The following GAS2 variants were observed in gnomAD, a reference collection of about 807,000 sequenced individuals.
GAS2 encodes the protein growth arrest specific 2.
A neutral mutation model predicts 37.5 loss-of-function variants in GAS2; 20 were observed. The observed-to-expected ratio is 0.53, with a 90% CI of 0.37 to 0.77. The LOEUF (loss-of-function observed/expected upper bound fraction) is 0.77. GAS2 is among the 30% of genes least tolerant of loss of function. The pLI is 0.00. For missense variants in GAS2, 336 were observed against 373.4 expected, an observed-to-expected ratio of 0.90 and a Z score of 0.82; for synonymous variants, 144 against 132.2, an observed-to-expected ratio of 1.09 and a Z score of -0.61.
chr11:22,641,258 T>TTATATATATATCTTTA (rs1848622702), intron 1 of GAS2, among the ~76,000 whole-genome samples: 2 of 143,976 alleles, frequency 1.4e-5, no homozygotes, highest in African/African-American at 2.5e-5. Flanking sequence ...ATATATATCT[T>TTATATATATATCTTTA]TATATATATA....
chr11:22,742,451 G>A (rs1853140972), intron 5 of GAS2, among the ~76,000 whole-genome samples: 1 of 152,114 alleles, frequency 6.6e-6, no homozygotes, highest in South Asian at 2.1e-4. Flanking sequence ...ACTTGCAGGT[G>A]CAAGCCCCCA....
chr11:22,765,645 G>A (rs1216495482), intron 7 of GAS2, among the ~76,000 whole-genome samples: 4 of 152,034 alleles, frequency 2.6e-5, no homozygotes, highest in African/African-American at 9.7e-5. Flanking sequence ...CTGGCGTGGT[G>A]GCAGGCACCT....
chr11:22,765,597 G>A (rs1854643452), intron 7 of GAS2, among the ~76,000 whole-genome samples: 1 of 152,026 alleles, frequency 6.6e-6, no homozygotes. Flanking sequence ...GGCTAACACT[G>A]TGAAACCCTG....
At chr11:22,722,311 A>G (rs999845091) in intron 3 of GAS2, among the ~76,000 whole-genome samples, 2 of 151,934 alleles carry the variant, frequency 1.3e-5, no homozygotes, top group Non-Finnish European at 2.9e-5. Context: ...TAGAAGCTAT[A>G]AGTATGTATG....
At chr11:22,748,862 TTGAG>T (rs2134287320) in intron 5 of GAS2, among the ~76,000 whole-genome samples, 1 of 152,198 alleles carries the variant, frequency 6.6e-6, no homozygotes, top group African/African-American at 2.4e-5. Context: ...ATATATTGCA[TTGAG>T]TGTTTTTATT....
At chr11:22,705,106 G>A (rs911416113) in intron 3 of GAS2, among the ~76,000 whole-genome samples, 9 of 152,084 alleles carry the variant, frequency 5.9e-5, no homozygotes, top group Non-Finnish European at 2.9e-5. Context: ...CTTTCTTGGA[G>A]AAAAAGCCAA....
chr11:22,753,784 A>G (rs1025876771), intron 6 of GAS2, among the ~76,000 whole-genome samples: 4 of 152,160 alleles, frequency 2.6e-5, no homozygotes, highest in African/African-American at 4.8e-5. Flanking sequence ...TTACATGTAT[A>G]TACACACATT....
chr11:22,672,469 C>T (rs1391120508), intron 1 of GAS2: 1 of 152,102 alleles, frequency 6.6e-6, no homozygotes, highest in Non-Finnish European at 1.5e-5. Context: ...TGTAAACTAT[C>T]CCTTGATAAA....
chr11:22,708,069 CAAT>C (rs139388732), intron 3 of GAS2, among the ~76,000 whole-genome samples: 4,652 of 152,020 alleles, frequency 0.031, 235 homozygotes, highest in African/African-American at 0.11. Context: ...TGGAAAACAA[CAAT>C]GAGCTAGATT....
At chr11:22,720,302 A>G (rs554127645) in intron 3 of GAS2, among the ~76,000 whole-genome samples, 3 of 152,136 alleles carry the variant, frequency 2.0e-5, no homozygotes, top group South Asian at 2.1e-4. Flanking sequence ...TTTGGATTCA[A>G]GCTTAGTGTG....
chr11:22,642,684 T>C (rs1231288704), intron 1 of GAS2, among the ~76,000 whole-genome samples: 1 of 152,154 alleles, frequency 6.6e-6, no homozygotes, highest in Non-Finnish European at 1.5e-5. Flanking sequence ...CAGTATCTTG[T>C]AATTATGTTA....
At chr11:22,707,768 G>C (rs962574340) in intron 3 of GAS2, among the ~76,000 whole-genome samples, 1 of 152,164 alleles carries the variant, frequency 6.6e-6, no homozygotes, top group African/African-American at 2.4e-5. Context: ...GATCATATAT[G>C]GAGAGAACGT....
At chr11:22,708,625 A>C (rs1851246614) in intron 3 of GAS2, among the ~76,000 whole-genome samples, 1 of 152,176 alleles carries the variant, frequency 6.6e-6, no homozygotes, top group African/African-American at 2.4e-5. Flanking sequence ...TATATATGGA[A>C]TATATGCCTC....
chr11:22,687,113 C>T (rs1235410144), intron 3 of GAS2, among the ~76,000 whole-genome samples: 9 of 151,958 alleles, frequency 5.9e-5, no homozygotes, highest in Admixed American at 5.9e-4. Context: ...ATTGCTTGAG[C>T]TCGGGAGTCG....
chr11:22,665,309 T>G (rs1393518213), upstream of GAS2, among the ~76,000 whole-genome samples: 1 of 152,204 alleles, frequency 6.6e-6, no homozygotes, highest in Non-Finnish European at 1.5e-5. Context: ...GATGATGTTT[T>G]GATCAGGAAA....
Position 22,811,967 on chromosome 11 carries a change from A to G in GAS2, c.893A>G (p.Asn298Ser). ...ACTCTAAAGGACATGAATCCAGATA[A>G]CTACTTGGTGGTCTCTGCCAGTTAT... is the stretch of plus-strand genomic sequence containing the variant. Reference protein sequence around the residue: ...SPTLKDMNPDNYLVVSASYKA... With the variant: ...SPTLKDMNPDSYLVVSASYKA... Residue 298 changes from asparagine to serine, a missense_variant, in exon 8 of 8, where the codon AAC becomes AGC. Transcript: ENST00000454584. The G allele has an allele frequency of 6.2e-7, 1 of 1,614,106 alleles. No individual in the cohort carries two copies. The highest frequency in any genetic ancestry group is 8.5e-7 in the Non-Finnish European group (1 of 1,180,006).
chr11:22,785,222 G>C (rs1022218540), intron 7 of GAS2, among the ~76,000 whole-genome samples: 1 of 152,130 alleles, frequency 6.6e-6, no homozygotes, highest in Non-Finnish European at 1.5e-5. Context: ...CTCAGAAAGT[G>C]CATCTTTATA....
chr11:22,656,635 A>G (rs529563007), intron 1 of GAS2, among the ~76,000 whole-genome samples: 61 of 152,360 alleles, frequency 4.0e-4, no homozygotes, highest in African/African-American at 1.4e-3. Flanking sequence ...ATTAACATAT[A>G]AAAATCATCC....
chr11:22,672,476 T>A (rs1849243484), intron 1 of GAS2: 5 of 152,174 alleles, frequency 3.3e-5, no homozygotes, highest in Admixed American at 2.6e-4. Flanking sequence ...TATCCCTTGA[T>A]AAATTATTTG....
Sources: gnomAD v4.1 joint callset for allele counts (sites outside exome capture counted in the v4.1 genomes callset) on GRCh38, gnomAD v4.1.1 for gene constraint, MANE v1.5 for transcripts, NCBI Gene and HGNC (gene_info 2026-07-23, HGNC 2026-07-21) for gene names.